The following MCTP2 variants were observed in gnomAD, a reference collection of about 807,000 sequenced individuals.
MCTP2 encodes the protein multiple C2 and transmembrane domain containing 2.
A neutral mutation model predicts 111.6 loss-of-function variants in MCTP2; 132 were observed. The observed-to-expected ratio is 1.18, with a 90% CI of 1.03 to 1.37. The LOEUF is 1.37. Ranked by LOEUF, MCTP2 falls within the 40% of genes most tolerant of loss-of-function variation. The probability of loss-of-function intolerance (pLI) is 0.00; values close to 1 mark genes in which losing one functional copy is unlikely to be tolerated. For synonymous variants in MCTP2, 395 were observed against 387.7 expected (o/e 1.02, Z -0.22); for missense variants, 1,183 against 1,067.9 (o/e 1.11, Z -1.50).
chr15:94,353,200 TA>T (rs1255142442), intron 8 of MCTP2, among the ~76,000 whole-genome samples: 1 of 152,232 alleles, frequency 6.6e-6, no homozygotes, highest in Non-Finnish European at 1.5e-5. Context: ...CTGAGATAGA[TA>T]AAAGCTTTGA....
At chr15:94,336,547 C>A (rs942700412) in intron 4 of MCTP2, among the ~76,000 whole-genome samples, 1 of 151,934 alleles carries the variant, frequency 6.6e-6, no homozygotes, top group African/African-American at 2.4e-5. Context: ...GATGCAACAT[C>A]GAGGCAGACA....
At chr15:94,382,541 G>T (rs536490112) in intron 12 of MCTP2, among the ~76,000 whole-genome samples, 107 of 152,364 alleles carry the variant, frequency 7.0e-4, no homozygotes, top group African/African-American at 2.5e-3. Context: ...TCGCCCATGC[G>T]TCTGCTCTTC....
intron 21 of MCTP2, 97 bp from the exon 22 acceptor site, chr15:94,476,599 G>C (rs1049857262): frequency 3.7e-5 from 28 of 753,024 alleles, no homozygotes; most frequent in Non-Finnish European, 6.2e-5. Flanking sequence ...ATAGATGATT[G>C]ACTGACAGAT....
At chr15:94,245,788 A>G (rs967897026) in intron 1 of MCTP2, among the ~76,000 whole-genome samples, 87 of 151,130 alleles carry the variant, frequency 5.8e-4, no homozygotes, top group African/African-American at 1.8e-3. Context: ...AACCTAGTCA[A>G]TGGCTTCATT....
At chr15:94,397,027 GT>G (rs1234112255) in intron 14 of MCTP2, among the ~76,000 whole-genome samples, 1 of 152,132 alleles carries the variant, frequency 6.6e-6, no homozygotes, top group Non-Finnish European at 1.5e-5. Context: ...CCAAATTCCT[GT>G]CTAATTTATG....
chr15:94,464,246 A>ATAT (rs1555481357), intron 20 of MCTP2, among the ~76,000 whole-genome samples: 2 of 60,390 alleles, frequency 3.3e-5, no homozygotes, highest in African/African-American at 6.8e-5. Flanking sequence ...TATAATATAT[A>ATAT]TATATATATA....
chr15:94,466,976 C>CCATATTTGT (rs2073389911), intron 20 of MCTP2, among the ~76,000 whole-genome samples: 1 of 151,992 alleles, frequency 6.6e-6, no homozygotes, highest in Non-Finnish European at 1.5e-5. Context: ...AACTTTCTTT[C>CCATATTTGT]CATATTTGTG....
chr15:94,361,382 G>T lies in MCTP2; in HGVS notation c.1301+2770G>T, dbSNP rs191548542. ...GTTCAGTGGGAGGGAAGGAACATCA[G>T]CTCTGGGGTCACACATCCTGAGCTT... On this transcript the variant is annotated intron_variant, in intron 10 of 22. Transcript: ENST00000357742. 1.6e-3 allele frequency among the ~76,000 whole-genome samples: 238 copies of T among 152,196 alleles called. 1 individual carries two copies. The highest frequency in any genetic ancestry group is 5.5e-3 in the African/African-American group (230 of 41,546).
intron 17 of MCTP2, among the ~76,000 whole-genome samples, chr15:94,436,094 T>C (rs2083462488): frequency 6.6e-6 from 1 of 152,164 alleles, no homozygotes; most frequent in Non-Finnish European, 1.5e-5. Context: ...ATACTGAATG[T>C]GGGGTTTACC....
intron 1 of MCTP2, among the ~76,000 whole-genome samples, chr15:94,244,083 CACATATGTATACACAT>C (rs141972077): frequency 0.39 from 54,536 of 141,048 alleles, 11,173 homozygotes; most frequent in Non-Finnish European, 0.44. Context: ...TATTTATGCA[CACATATGTATACACAT>C]ACATATGTGT....
intron 14 of MCTP2, among the ~76,000 whole-genome samples, chr15:94,390,089 TGTATATATA>T: frequency 7.3e-5 from 1 of 13,612 alleles, no homozygotes; most frequent in Non-Finnish European, 2.2e-4. Context: ...TATATATATA[TGTATATATA>T]TATATATATA....
intron 14 of MCTP2, among the ~76,000 whole-genome samples, chr15:94,397,076 G>A (rs2081318306): frequency 6.6e-6 from 1 of 152,108 alleles, no homozygotes. Context: ...GAAGTTCAAA[G>A]GGACTTCAGT....
intron 2 of MCTP2, among the ~76,000 whole-genome samples, chr15:94,306,015 G>C (rs1158797451): frequency 1.3e-5 from 2 of 152,044 alleles, no homozygotes; most frequent in Non-Finnish European, 2.9e-5. Context: ...TCTGGTTCTT[G>C]CCGTAGGTAT....
chr15:94,476,905 G>A, intron 22 of MCTP2, 112 bp downstream of exon 22: 1 of 665,632 alleles, frequency 1.5e-6, no homozygotes, highest in African/African-American at 1.8e-5. Context: ...TAAGGAACCA[G>A]AAAATCCTTA....
intron 12 of MCTP2, among the ~76,000 whole-genome samples, chr15:94,383,288 T>C (rs1437596736): frequency 6.6e-6 from 1 of 152,188 alleles, no homozygotes; most frequent in Non-Finnish European, 1.5e-5. Context: ...TTTCCAGTTA[T>C]AGAATAGTAA....
intron 14 of MCTP2, among the ~76,000 whole-genome samples, chr15:94,387,201 C>T (rs1056286678): frequency 2.6e-5 from 4 of 151,634 alleles, no homozygotes; most frequent in Non-Finnish European, 5.9e-5. Flanking sequence ...TAAGAAGTTA[C>T]CTCCAGCTTA....
chr15:94,236,676 A>G (rs1472255136), intron 1 of MCTP2, among the ~76,000 whole-genome samples: 4 of 152,134 alleles, frequency 2.6e-5, no homozygotes, highest in African/African-American at 9.7e-5. Flanking sequence ...TAGTTGTGCT[A>G]AATATTATGT....
At chr15:94,448,877 C>T (rs1334567312) in intron 19 of MCTP2, among the ~76,000 whole-genome samples, 1 of 152,152 alleles carries the variant, frequency 6.6e-6, no homozygotes, top group Non-Finnish European at 1.5e-5. Flanking sequence ...CCCATCTCTA[C>T]TAAAAATACA....
chr15:94,338,488 A>ATT (rs201502636), intron 4 of MCTP2, among the ~76,000 whole-genome samples: 5,385 of 134,082 alleles, frequency 0.04, 257 homozygotes, highest in African/African-American at 0.11. Flanking sequence ...GTTTGCAGGC[A>ATT]TTTTTTTTTT....
Sources: allele counts gnomAD v4.1 joint callset (sites outside exome capture counted in the v4.1 genomes callset), GRCh38; gene constraint gnomAD v4.1.1; transcripts MANE v1.5; gene names NCBI Gene and HGNC (gene_info 2026-07-23, HGNC 2026-07-21).